SOX6: variants seen among roughly 807,000 people sequenced by gnomAD.
SOX6 encodes SRY-box transcription factor 6.
A neutral mutation model predicts 97.8 loss-of-function variants in SOX6; 11 were observed. The observed-to-expected ratio is 0.11, with a 90% CI of 0.07 to 0.19. The LOEUF is 0.19. Ranked by LOEUF, SOX6 falls within the 10% of genes least tolerant of loss-of-function variation. The pLI is 1.00. For synonymous variants in SOX6, 360 were observed against 371.4 expected (o/e 0.97, Z 0.35); for missense variants, 810 against 1,039.5 (o/e 0.78, Z 3.04).
intron 3 of SOX6, among the ~76,000 whole-genome samples, chr11:16,669,040 G>A (rs775826654): frequency 3.3e-5 from 5 of 152,100 alleles, no homozygotes; most frequent in Non-Finnish European, 1.5e-5. Context: ...AGAGCAAATG[G>A]ACCAAATAGA....
chr11:16,497,687 C>G (rs1244215614), intron 4 of SOX6, among the ~76,000 whole-genome samples: 1 of 151,846 alleles, frequency 6.6e-6, no homozygotes, highest in Non-Finnish European at 1.5e-5. Flanking sequence ...CCTAAGTAGC[C>G]GATTTGATCA....
intron 6 of SOX6, among the ~76,000 whole-genome samples, chr11:16,142,726 C>T (rs1340278120): frequency 6.6e-6 from 1 of 151,672 alleles, no homozygotes; most frequent in South Asian, 2.1e-4. Flanking sequence ...GTAGCCAATT[C>T]GATCAACGGG....
At chr11:16,129,612 G>T (rs953528009) in intron 6 of SOX6, among the ~76,000 whole-genome samples, 1 of 152,216 alleles carries the variant, frequency 6.6e-6, no homozygotes, top group South Asian at 2.1e-4. Flanking sequence ...ACCAAGTGAG[G>T]TTTATTGTGG....
chr11:16,132,240 A>C (rs1590215761), intron 6 of SOX6, among the ~76,000 whole-genome samples: 1 of 145,784 alleles, frequency 6.9e-6, no homozygotes, highest in African/African-American at 2.5e-5. Context: ...AAAAAGAAAG[A>C]AAGAAAGGAA....
At chr11:16,490,463 G>A (rs1480133331) in intron 4 of SOX6, among the ~76,000 whole-genome samples, 1 of 151,906 alleles carries the variant, frequency 6.6e-6, no homozygotes, top group African/African-American at 2.4e-5. Flanking sequence ...TATATACTAT[G>A]CCTTGATAAA....
intron 2 of SOX6, among the ~76,000 whole-genome samples, chr11:16,731,836 T>A (rs1007656484): frequency 6.6e-6 from 1 of 152,180 alleles, no homozygotes; most frequent in African/African-American, 2.4e-5. Flanking sequence ...TTGCATATTT[T>A]GAAAACACCA....
chr11:16,540,537 G>A (rs886460934), intron 4 of SOX6, among the ~76,000 whole-genome samples: 4 of 152,118 alleles, frequency 2.6e-5, no homozygotes, highest in African/African-American at 4.8e-5. Flanking sequence ...AATTGTCTCC[G>A]TTTGCACATA....
chr11:16,421,492 T>C (rs900185196), intron 1 of SOX6, among the ~76,000 whole-genome samples: 1 of 152,178 alleles, frequency 6.6e-6, no homozygotes, highest in African/African-American at 2.4e-5. Flanking sequence ...ATTATTGTCG[T>C]GTGAACAAAG....
intron 6 of SOX6, among the ~76,000 whole-genome samples, chr11:16,171,448 C>A (rs901610831): frequency 6.6e-6 from 1 of 151,898 alleles, no homozygotes; most frequent in African/African-American, 2.4e-5. Flanking sequence ...GAACGGTACA[C>A]GTGTCTGGTT....
chr11:16,349,701 G>GA, intron 1 of SOX6, among the ~76,000 whole-genome samples: 1 of 38,794 alleles, frequency 2.6e-5, no homozygotes, highest in Non-Finnish European at 6.5e-5. Flanking sequence ...AGGAAGGAAG[G>GA]AAGGAAGGAA....
intron 3 of SOX6, among the ~76,000 whole-genome samples, chr11:16,650,080 T>C (rs1847624279): frequency 6.6e-6 from 1 of 151,738 alleles, no homozygotes; most frequent in African/African-American, 2.4e-5. Flanking sequence ...AACAGGAAAA[T>C]ATCACAAGCC....
chr11:16,327,208 T>C (rs1264314293), intron 2 of SOX6, among the ~76,000 whole-genome samples: 3 of 152,174 alleles, frequency 2.0e-5, no homozygotes, highest in Non-Finnish European at 4.4e-5. Flanking sequence ...TTTTATAGGA[T>C]AGAGCTATAA....
chr11:16,319,761 G>T (rs976306909), intron 2 of SOX6, among the ~76,000 whole-genome samples: 1 of 151,832 alleles, frequency 6.6e-6, no homozygotes, highest in African/African-American at 2.4e-5. Context: ...ATTTGGGTTG[G>T]TTCCAAGTCT....
chr11:16,135,475 T>C (rs770453975), intron 6 of SOX6, among the ~76,000 whole-genome samples: 8 of 152,178 alleles, frequency 5.3e-5, no homozygotes, highest in Non-Finnish European at 1.0e-4. Context: ...AATATCAACA[T>C]GAACAGGAAT....
intron 3 of SOX6, among the ~76,000 whole-genome samples, chr11:16,276,445 T>C (rs942726602): frequency 2.0e-5 from 3 of 152,178 alleles, no homozygotes; most frequent in Non-Finnish European, 4.4e-5. Context: ...CTAGGGTCAT[T>C]AGTCATGTGA....
chr11:16,457,305 C>T (rs193197838), intron 1 of SOX6, among the ~76,000 whole-genome samples: 36 of 152,096 alleles, frequency 2.4e-4, no homozygotes, highest in African/African-American at 5.8e-4. Context: ...CAATGCAATC[C>T]TAATTTGCCA....
chr11:16,499,783 A>G (rs1860669917), intron 4 of SOX6, among the ~76,000 whole-genome samples: 1 of 152,204 alleles, frequency 6.6e-6, no homozygotes, highest in Admixed American at 6.5e-5. Flanking sequence ...CTCTGAATAG[A>G]CCAATAACAG....
At chr11:16,431,828 C>A (rs1859277611) in intron 1 of SOX6, among the ~76,000 whole-genome samples, 1 of 152,028 alleles carries the variant, frequency 6.6e-6, no homozygotes, top group Non-Finnish European at 1.5e-5. Context: ...TTATACAAGG[C>A]ATTATTATCA....
intron 1 of SOX6, among the ~76,000 whole-genome samples, chr11:16,410,872 T>C (rs1407401837): frequency 1.3e-5 from 2 of 151,984 alleles, no homozygotes; most frequent in East Asian, 3.8e-4. Flanking sequence ...TTTTATCTTT[T>C]TTCTTATTGT....
Sources: allele counts gnomAD v4.1 joint callset (sites outside exome capture counted in the v4.1 genomes callset), GRCh38; gene constraint gnomAD v4.1.1; transcripts MANE v1.5; gene names NCBI Gene and HGNC (gene_info 2026-07-23, HGNC 2026-07-21).